SNED1: variants seen among roughly 807,000 people sequenced by gnomAD.
SNED1 encodes sushi, nidogen and EGF-like domain-containing protein 1.
In SNED1, 81 loss-of-function variants were observed where a neutral mutation model predicts 166.7. That is an observed-to-expected ratio of 0.49 (90% CI 0.41 to 0.58). SNED1 has a LOEUF of 0.58. Ranked by LOEUF, SNED1 falls within the 20% of genes least tolerant of loss-of-function variation. The pLI, the probability that SNED1 is intolerant of heterozygous loss-of-function variation, is 0.00. For missense variants in SNED1, 1,604 were observed against 2,000.2 expected (o/e 0.80, Z 3.78); for synonymous variants, 762 against 822.0 (o/e 0.93, Z 1.25).
rs981360609 is a variant in SNED1, at chr2:241,018,631, G to A, written c.214-11653G>A. 6.6e-6 allele frequency among the ~76,000 whole-genome samples: 1 copy of A among 152,160 alleles called. No homozygotes were observed. The highest frequency in any genetic ancestry group is 6.5e-5 in the Admixed American group (1 of 15,276). ...TCACACCCAGACCTGTCACAGGGCG[G>A]TGCAGGCACAAGGCCAGCAGGAGCA... On this transcript the variant is annotated intron_variant, in intron 1 of 31. Coordinates refer to ENST00000310397, the MANE Select transcript of SNED1 (RefSeq NM_001080437.3). This position sits in a 1 kb window ranked among gnomAD's most constrained non-coding sequence, Gnocchi z 5.4.
At position 241,093,261 on chromosome 2, in the gene SNED1, G is replaced by A. The variant is rs998457171; in HGVS notation, c.*1625G>A. 5 of 152,754 alleles carry A rather than the reference G, an allele frequency of 3.3e-5. No individual in the cohort carries two copies. Among genetic ancestry groups the A allele is most frequent in the East Asian group, 1.9e-4 (1 of 5,180 alleles). 9.5% of individuals were successfully genotyped at this position (152,754 alleles called of 1,614,324 possible). On this transcript the variant is annotated 3_prime_UTR_variant, in exon 32 of 32. Transcript: ENST00000310397. ...TGAGAGAAACCACGTTCACAAACGC[G>A]TACTGCGGACTTCCTGCCGCCCTGG...
chr2:241,011,568 T>G (rs1574857984), intron 1 of SNED1, among the ~76,000 whole-genome samples: 1 of 152,352 alleles, frequency 6.6e-6, no homozygotes, highest in East Asian at 1.9e-4. Flanking sequence ...GGAGACAGGC[T>G]AATCCTTTCC....
In SNED1 at chr2:241,024,129, G is replaced by A. The variant is rs531522752; in HGVS notation, c.214-6155G>A. On this transcript the variant is annotated intron_variant, in intron 1 of 31. Transcript: ENST00000310397. ...CTCAAACTCCTGACCTCAAGTGCCT[G>A]CCTGGGCCTCCCAAAGTCCTGGGAT... Among the ~76,000 whole-genome samples, 244 of 150,192 alleles carry A rather than the reference G, an allele frequency of 1.6e-3. 2 individuals carry two copies. Among genetic ancestry groups the A allele is most frequent in the African/African-American group, 5.9e-3 (240 of 40,862 alleles).
intron 12 of SNED1, among the ~76,000 whole-genome samples, chr2:241,050,842 C>T (rs941897922): frequency 2.6e-5 from 4 of 152,086 alleles, no homozygotes; most frequent in Non-Finnish European, 4.4e-5. Context: ...GGGGGTCCTA[C>T]CAGAGCCCAC....
rs1269826401 is a variant in SNED1, at chr2:241,048,779, G to A, written c.1504+13G>A. 1 of 1,589,414 alleles carries A rather than the reference G, an allele frequency of 6.3e-7. No homozygotes were observed. Among genetic ancestry groups the A allele is most frequent in the South Asian group, 1.1e-5 (1 of 88,568 alleles). On this transcript the variant is annotated intron_variant, in intron 10 of 31. Transcript: ENST00000310397. ...CTCTGTGAATTTGGTAGGTGCCCAG[G>A]TCACCCTTCCTGCCCTGTCCCTGAG...
rs1005432472 is a variant in SNED1 at position 241,073,563 on chromosome 2, G to A, written c.3916+199G>A. Reference sequence around the variant, plus strand: ...ACCCAAGCAGTGGGACCCCACAGACGGGAACAGGCCAGGGGGCAGGACCCA... The same window carrying A: ...ACCCAAGCAGTGGGACCCCACAGACAGGAACAGGCCAGGGGGCAGGACCCA... On this transcript the variant is annotated intron_variant, in intron 27 of 31. Coordinates refer to ENST00000310397, the MANE Select transcript of SNED1 (RefSeq NM_001080437.3). The surrounding 1 kb of genome is among the most constrained non-coding windows in gnomAD (Gnocchi z 6.6). 3.5e-5 allele frequency: 22 copies of A among 628,074 alleles called. No homozygotes were observed. Among genetic ancestry groups the A allele is most frequent in the East Asian group, 5.5e-5 (2 of 36,444 alleles). 38.9% of individuals were successfully genotyped at this position (628,074 alleles called of 1,614,324 possible).
rs1183198467 is a variant in SNED1, at chr2:241,093,951, T to C, written c.*2315T>C. On this transcript the variant is annotated 3_prime_UTR_variant, in exon 32 of 32. Coordinates refer to ENST00000310397, the MANE Select transcript of SNED1 (RefSeq NM_001080437.3). Reference sequence around the variant, plus strand: ...AGTTGCTGAATTACCCATCTGCTAATGAAACCGGGATGGACTGATCATCTA... The same window carrying C: ...AGTTGCTGAATTACCCATCTGCTAACGAAACCGGGATGGACTGATCATCTA... 1.3e-5 allele frequency: 2 copies of C among 157,116 alleles called. No individual in the cohort carries two copies. The highest frequency in any genetic ancestry group is 4.8e-5 in the African/African-American group (2 of 41,486). 9.7% of individuals were successfully genotyped at this position (157,116 alleles called of 1,614,324 possible).
At chr2:241,044,539 A>G (rs1363140791) in intron 8 of SNED1, among the ~76,000 whole-genome samples, 6 of 152,176 alleles carry the variant, frequency 3.9e-5, no homozygotes, top group Admixed American at 3.3e-4. Context: ...TGGTGAGTTT[A>G]CCATTTTTTG....
intron 1 of SNED1, among the ~76,000 whole-genome samples, chr2:241,011,235 T>TGCAGGTCTCCTGGGTCTCCTGGGGGTG (rs1157542129): frequency 1.8e-4 from 10 of 56,014 alleles, no homozygotes; most frequent in African/African-American, 7.7e-4. Context: ...TCCTGGGGGT[T>TGCAGGTCTCCTGGGTCTCCTGGGGGTG]GCAGGTCTCC....
At chr2:241,054,234 G>T (rs1404667852) in intron 16 of SNED1, among the ~76,000 whole-genome samples, 6 of 152,174 alleles carry the variant, frequency 3.9e-5, no homozygotes, top group African/African-American at 1.4e-4. Flanking sequence ...GATATCCTCA[G>T]AGAATATGAG....
In SNED1 at chr2:241,067,943, T is replaced by C; in HGVS notation, c.3190T>C (p.Phe1064Leu). 6.2e-7 allele frequency: 1 copy of C among 1,606,656 alleles called. No individual in the cohort carries two copies. ...GGACAGGAGTGTGGACAGGTTCACC[T>C]TTAGGTAAGAAGGGACACCCAGAGC... ...DVDRSVDRFT[F>L]RALLPGKRYT... Residue 1064 changes from phenylalanine (F) to leucine (L), a missense_variant, in exon 22 of 32, where the codon TTT becomes CTT. By Grantham distance (22) the Phe-to-Leu change is conservative. Transcript: ENST00000310397.
intron 7 of SNED1, 51 bp downstream of exon 7, chr2:241,040,239 G>A: frequency 6.4e-7 from 1 of 1,567,546 alleles, no homozygotes; most frequent in Non-Finnish European, 8.7e-7. Flanking sequence ...GTGGCCAGGT[G>A]CTGGGCACAG....
In SNED1 at chr2:241,049,069, G is replaced by A. The variant is rs922217794; in HGVS notation, c.1552G>A (p.Gly518Ser). ...CATGAACACACAGTGCCCAGATGGG[G>A]GCTACTGCATGGAGCACGGCGGGAG... ...CNMNTQCPDGGYCMEHGGSYL... is the reference protein window; with the variant it reads ...CNMNTQCPDGSYCMEHGGSYL... The change falls in exon 11 of 32, where the codon GGC (glycine) becomes AGC (serine). Residue 518 changes from glycine (G) to serine (S), a missense_variant. Around this residue, in one of 2 missense-constraint regions of SNED1, gnomAD observed 1,237 missense variants for 1,620.8 expected, o/e 0.76. Transcript: ENST00000310397. The A allele has an allele frequency of 5.6e-6, 9 of 1,613,676 alleles. No homozygotes were observed. The highest frequency in any genetic ancestry group is 7.6e-6 in the Non-Finnish European group (9 of 1,179,762).
chr2:241,067,508 C>T (rs2062507078), intron 21 of SNED1, among the ~76,000 whole-genome samples: 1 of 152,248 alleles, frequency 6.6e-6, no homozygotes, highest in South Asian at 2.1e-4. Flanking sequence ...AAGACCCCTG[C>T]CTCTGGTAAG....
rs57902432 is a variant in SNED1, at chr2:241,057,380, AAT to A, written c.2257+4085_2257+4086del. Among the ~76,000 whole-genome samples the A allele has an allele frequency of 7.9e-3, 933 of 118,054 alleles. 9 individuals are homozygous for A. Among genetic ancestry groups the A allele is most frequent in the South Asian group, 0.018 (65 of 3,650 alleles). The allele number at this position is 118,054 out of a possible 152,430, so 77.4% of individuals were successfully genotyped here. A position where few individuals can be genotyped will look rare whatever the true frequency, so the allele number is the denominator to read the frequency against. ...GGCGACGAGCAAAACTCCATCTCAA[AAT>A]ATATATATATATATATATATATATA... On this transcript the variant is annotated intron_variant, in intron 16 of 31. Transcript: ENST00000310397.
rs372223118 is a variant in SNED1, at chr2:241,070,164, G to A, written c.3552G>A (p.Pro1184=). The A allele has an allele frequency of 3.1e-5, 50 of 1,598,976 alleles. No homozygotes were observed. Among genetic ancestry groups the A allele is most frequent in the Non-Finnish European group, 3.9e-5 (46 of 1,176,474 alleles). ...CAGTGCAGAGCACGGAGCTCGGGCCGCAGCACAGCGAGCCCGCCCACCTCT... is the reference window on the plus strand; with the variant it reads ...CAGTGCAGAGCACGGAGCTCGGGCCACAGCACAGCGAGCCCGCCCACCTCT... The part of the protein sequence containing the change: ...VIAVQSTELG[P]QHSEPAHLYI... Residue 1184 remains proline, a synonymous_variant, in exon 24 of 32, where the codon CCG becomes CCA. Transcript: ENST00000310397.
chr2:241,004,193 G>A (rs983861318), intron 1 of SNED1, among the ~76,000 whole-genome samples: 14 of 152,246 alleles, frequency 9.2e-5, no homozygotes, highest in Admixed American at 3.3e-4. Flanking sequence ...TAAAACTGCA[G>A]TCTGAGCATT....
upstream of SNED1, among the ~76,000 whole-genome samples, chr2:240,998,361 G>C (rs1255150151): frequency 1.3e-5 from 2 of 152,208 alleles, no homozygotes; most frequent in East Asian, 3.9e-4. Flanking sequence ...TAGGGACACA[G>C]GTCTGTCCCA....
chr2:241,032,485 G>C (rs1270644950), intron 2 of SNED1, among the ~76,000 whole-genome samples: 1 of 151,116 alleles, frequency 6.6e-6, no homozygotes, highest in Non-Finnish European at 1.5e-5. Context: ...GGCCTGTCGT[G>C]GGGTGGGGGG....
Sources: allele counts gnomAD v4.1 joint callset (sites outside exome capture counted in the v4.1 genomes callset), GRCh38; gene constraint gnomAD v4.1.1; regional missense constraint gnomAD v4.1.1; non-coding constraint Gnocchi (gnomAD v3.1); transcripts MANE v1.5; gene names NCBI Gene and HGNC (gene_info 2026-07-23, HGNC 2026-07-21).